GRIK2: variants seen among roughly 807,000 people sequenced by gnomAD.
GRIK2 encodes glutamate ionotropic receptor kainate type subunit 2.
A neutral mutation model predicts 100.3 loss-of-function variants in GRIK2; 32 were observed. The observed-to-expected ratio is 0.32, with a 90% CI of 0.24 to 0.43. The LOEUF is 0.43. Ranked by LOEUF, GRIK2 falls within the 20% of genes least tolerant of loss-of-function variation. The pLI is 1.00. For synonymous variants in GRIK2, 417 were observed against 389.4 expected (o/e 1.07, Z -0.83); for missense variants, 843 against 1,114.9 (o/e 0.76, Z 3.47).
At chr6:101,838,300 T>C (rs986116410) in intron 10 of GRIK2, among the ~76,000 whole-genome samples, 5 of 152,222 alleles carry the variant, frequency 3.3e-5, no homozygotes, top group African/African-American at 1.2e-4. Flanking sequence ...TAAATTTGTA[T>C]GTTTTGCTCT....
chr6:101,594,736 G>A (rs1778829058), intron 2 of GRIK2, among the ~76,000 whole-genome samples: 1 of 151,906 alleles, frequency 6.6e-6, no homozygotes, highest in South Asian at 2.1e-4. Context: ...GGCATTTATA[G>A]TGTAAGTGGA....
chr6:101,930,230 T>C (rs1790173105), intron 14 of GRIK2, among the ~76,000 whole-genome samples: 1 of 151,648 alleles, frequency 6.6e-6, no homozygotes, highest in African/African-American at 2.4e-5. Context: ...TATTCCCAGC[T>C]ACTTGGGAGG....
At chr6:101,653,996 A>G (rs78569596) in intron 4 of GRIK2, among the ~76,000 whole-genome samples, 2 of 152,192 alleles carry the variant, frequency 1.3e-5, no homozygotes, top group African/African-American at 4.8e-5. Flanking sequence ...ATAATGTACC[A>G]CAACTGATGG....
At chr6:101,812,793 ATT>A (rs1781415371) in intron 9 of GRIK2, among the ~76,000 whole-genome samples, 1 of 152,022 alleles carries the variant, frequency 6.6e-6, no homozygotes. Flanking sequence ...TTTTACCTAT[ATT>A]TTGAAACAGT....
Position 101,933,774 on chromosome 6 carries a change from C to T in GRIK2, c.2085+5142C>T, listed in dbSNP as rs561521283. 6.5e-4 allele frequency among the ~76,000 whole-genome samples: 99 copies of T among 151,954 alleles called. 5 individuals are homozygous for T. In the South Asian group the frequency reaches 0.02, roughly 31 times the overall value. On this transcript the variant is annotated intron_variant, in intron 14 of 16. Coordinates refer to ENST00000369134, the MANE Select transcript of GRIK2 (RefSeq NM_021956.5). Reference sequence around the variant, plus strand: ...TGATTATGTGCAAAATTTTATTATTCTACAGGGCAGTCAAAGGTTTATTCA... The same window carrying T: ...TGATTATGTGCAAAATTTTATTATTTTACAGGGCAGTCAAAGGTTTATTCA...
chr6:102,011,235 A>G (rs900446232), intron 14 of GRIK2, among the ~76,000 whole-genome samples: 1 of 152,126 alleles, frequency 6.6e-6, no homozygotes, highest in African/African-American at 2.4e-5. Context: ...GATGTTAGCC[A>G]TTTTAATAGG....
At chr6:101,463,407 T>C (rs1771446912) in intron 2 of GRIK2, among the ~76,000 whole-genome samples, 2 of 152,178 alleles carry the variant, frequency 1.3e-5, no homozygotes, top group Non-Finnish European at 2.9e-5. Context: ...TCAAGAGAGT[T>C]ATTGACTGTC....
At chr6:101,836,187 A>G (rs2128431117) in intron 10 of GRIK2, among the ~76,000 whole-genome samples, 1 of 152,142 alleles carries the variant, frequency 6.6e-6, no homozygotes, top group South Asian at 2.1e-4. Context: ...GAACAATTTC[A>G]AGATTGTCTC....
rs116558428 is a variant in GRIK2 at position 101,974,333 on chromosome 6, T to C, written c.2085+45701T>C. On this transcript the variant is annotated intron_variant, in intron 14 of 16. Coordinates refer to ENST00000369134, the MANE Select transcript of GRIK2 (RefSeq NM_021956.5). ...TGTGGAAATTGATCAATAGTAGATATACGTCCTGCCCTCCTTGAGGTTATG... is the reference window on the plus strand; with the variant it reads ...TGTGGAAATTGATCAATAGTAGATACACGTCCTGCCCTCCTTGAGGTTATG... Among the ~76,000 whole-genome samples, 233 of 152,098 alleles carry C rather than the reference T, an allele frequency of 1.5e-3. 1 individual carries two copies. Among genetic ancestry groups the C allele is most frequent in the African/African-American group, 5.4e-3 (223 of 41,546 alleles).
chr6:101,501,507 A>G (rs895208153), intron 2 of GRIK2, among the ~76,000 whole-genome samples: 3 of 152,212 alleles, frequency 2.0e-5, no homozygotes, highest in Non-Finnish European at 4.4e-5. Context: ...TGTCACATTT[A>G]TCCACTCAAT....
chr6:101,422,270 TG>T (rs1350931824), intron 2 of GRIK2, among the ~76,000 whole-genome samples: 2 of 152,160 alleles, frequency 1.3e-5, no homozygotes, highest in Non-Finnish European at 2.9e-5. Context: ...CTAAAGGTTA[TG>T]AAATCAATGC....
Position 101,534,051 on chromosome 6 carries a change from G to A in GRIK2, c.116-87898G>A, listed in dbSNP as rs1428024144. On this transcript the variant is annotated intron_variant, in intron 2 of 16. Transcript: ENST00000369134. ...AATACTTACAAAAGCATCGCAAGCA[G>A]GCCAAGATAATACAGATATTTTCCT... Among the ~76,000 whole-genome samples, 7 of 151,754 alleles carry A rather than the reference G, an allele frequency of 4.6e-5. No homozygotes were observed. In the South Asian group the frequency reaches 1.0e-3, roughly 22 times the overall value.
chr6:101,904,490 T>A (rs1035652056), intron 12 of GRIK2, among the ~76,000 whole-genome samples: 6 of 151,622 alleles, frequency 4.0e-5, no homozygotes, highest in African/African-American at 1.4e-4. Context: ...TTTAATTTTT[T>A]AAAAAAATGG....
intron 8 of GRIK2, among the ~76,000 whole-genome samples, chr6:101,801,500 T>C (rs1780667242): frequency 1.3e-5 from 2 of 152,008 alleles, no homozygotes; most frequent in African/African-American, 4.8e-5. Flanking sequence ...AAATCCTTAT[T>C]GAAATATTAC....
intron 2 of GRIK2, among the ~76,000 whole-genome samples, chr6:101,414,950 G>C (rs1256301739): frequency 6.7e-6 from 1 of 150,218 alleles, no homozygotes; most frequent in Non-Finnish European, 1.5e-5. Flanking sequence ...TTGTGTGTGT[G>C]TGTGTGTGTG....
chr6:101,791,885 G>T (rs1011250142), intron 7 of GRIK2, among the ~76,000 whole-genome samples: 1 of 151,662 alleles, frequency 6.6e-6, no homozygotes, highest in African/African-American at 2.4e-5. Context: ...ATGAATCTGG[G>T]TGCTCCTGTA....
At chr6:101,802,251 TAA>T (rs1193934204) in intron 8 of GRIK2, 78 bp from the exon 9 acceptor site, 6 of 500,540 alleles carry the variant, frequency 1.2e-5, no homozygotes, top group South Asian at 4.9e-5. Context: ...GTAATGAATA[TAA>T]GTTTCCTACT....
At chr6:101,456,735 G>C (rs1387090336) in intron 2 of GRIK2, among the ~76,000 whole-genome samples, 1 of 151,128 alleles carries the variant, frequency 6.6e-6, no homozygotes, top group East Asian at 1.9e-4. Context: ...ATGTTCTTTA[G>C]TTCCTATTTT....
chr6:101,572,752 CTTTTTTTTTT>C (rs200522647), intron 2 of GRIK2, among the ~76,000 whole-genome samples: 4 of 79,302 alleles, frequency 5.0e-5, no homozygotes, highest in Non-Finnish European at 9.0e-5. Context: ...GCCTCAGTTT[CTTTTTTTTTT>C]TTTTTTTTTA....
Sources: gnomAD v4.1 joint callset for allele counts (sites outside exome capture counted in the v4.1 genomes callset) on GRCh38, gnomAD v4.1.1 for gene constraint, MANE v1.5 for transcripts, NCBI Gene and HGNC (gene_info 2026-07-23, HGNC 2026-07-21) for gene names.